TATDN1: variants seen among roughly 807,000 people sequenced by gnomAD.
The protein encoded by TATDN1 is TatD DNase domain containing 1.
Under a neutral mutation model 46.4 loss-of-function variants are expected in TATDN1, and 40 were observed. The ratio of observed to expected loss-of-function variants is 0.86; its 90% confidence interval spans 0.67 to 1.12. TATDN1 has a LOEUF of 1.12. TATDN1 is among the 50% of genes most tolerant of loss of function. The pLI, the probability that TATDN1 is intolerant of heterozygous loss-of-function variation, is 0.00. For synonymous variants in TATDN1, 95 were observed against 105.6 expected (o/e 0.90, Z 0.62); for missense variants, 326 against 348.4 (o/e 0.94, Z 0.51).
chr8:124,495,582 T>G (rs773275529), intron 9 of TATDN1, 40 bp from the exon 10 acceptor site: 2 of 1,469,522 alleles, frequency 1.4e-6, no homozygotes, highest in South Asian at 2.4e-5. Flanking sequence ...AGGCAGCAAT[T>G]AACGAATACC....
chr8:124,488,971 T>TTAAC (rs1816669110), intron 11 of TATDN1: 1 of 363,528 alleles, frequency 2.8e-6, no homozygotes. Context: ...AATTATAGCA[T>TTAAC]TAACTGAGTG....
chr8:124,489,993 CTA>C lies in TATDN1; in HGVS notation c.792-1299_792-1298del, dbSNP rs1816825519. 2.0e-5 allele frequency: 3 copies of C among 152,152 alleles called. No individual in the cohort carries two copies. The South Asian group carries it at 6.2e-4, about 32-fold the overall frequency. The allele number at this position is 152,152 out of a possible 1,614,324, so 9.4% of individuals were successfully genotyped here. ...ATGTTTATACTAAGCAAACACTACA[CTA>C]AAATTTTATCTGACAGTCAAGATAC... On this transcript the variant is annotated intron_variant, in intron 11 of 11. Transcript: ENST00000276692.
chr8:124,500,128 CCA>C (rs916877766), intron 9 of TATDN1, among the ~76,000 whole-genome samples: 23 of 152,076 alleles, frequency 1.5e-4, no homozygotes, highest in African/African-American at 5.6e-4. Context: ...CAGGCGTGAG[CCA>C]CAATGCCTGG....
intron 8 of TATDN1, among the ~76,000 whole-genome samples, chr8:124,505,358 T>C (rs1187347823): frequency 6.6e-6 from 1 of 151,628 alleles, no homozygotes; most frequent in Non-Finnish European, 1.5e-5. Flanking sequence ...CACTCCAGCC[T>C]GGGCAACAAG....
chr8:124,521,657 A>G (rs903890634), intron 3 of TATDN1: 2 of 152,828 alleles, frequency 1.3e-5, no homozygotes, highest in African/African-American at 4.8e-5. Flanking sequence ...TCTGTTTTAA[A>G]GCTAATTTAA....
intron 9 of TATDN1, among the ~76,000 whole-genome samples, chr8:124,503,195 T>G (rs117323402): frequency 7.6e-4 from 115 of 151,832 alleles, no homozygotes; most frequent in Non-Finnish European, 1.4e-3. Flanking sequence ...AGAATGGAGG[T>G]AGGGGATTAG....
intron 3 of TATDN1, 33 bp downstream of exon 3, chr8:124,522,118 T>C: frequency 1.3e-6 from 2 of 1,512,488 alleles, no homozygotes; most frequent in East Asian, 2.3e-5. Flanking sequence ...AAATGAATTT[T>C]AAAAATCTCA....
At chr8:124,517,794 T>A (rs1819617281) in intron 4 of TATDN1, among the ~76,000 whole-genome samples, 1 of 152,212 alleles carries the variant, frequency 6.6e-6, no homozygotes, top group African/African-American at 2.4e-5. Flanking sequence ...CCTTGCACAG[T>A]ATCTGGTCCA....
chr8:124,494,204 A>G (rs544525993), intron 10 of TATDN1: 1 of 267,038 alleles, frequency 3.7e-6, no homozygotes, highest in East Asian at 6.9e-5. Context: ...AGCATGCTTT[A>G]AAAAAAAGAC....
intron 1 of TATDN1, among the ~76,000 whole-genome samples, chr8:124,534,145 C>CAAAAAAAAAAAAAAAAAAAAAAAA (rs869060230): frequency 5.9e-5 from 3 of 51,266 alleles, no homozygotes; most frequent in African/African-American, 1.0e-4. Context: ...GACTCCGTCT[C>CAAAAAAAAAAAAAAAAAAAAAAAA]AAAAAAAAAA....
At chr8:124,530,295 T>G (rs749500075) in intron 1 of TATDN1, among the ~76,000 whole-genome samples, 1 of 152,174 alleles carries the variant, frequency 6.6e-6, no homozygotes, top group Non-Finnish European at 1.5e-5. Context: ...GAGCAGTCAG[T>G]GACAGATATT....
intron 8 of TATDN1, among the ~76,000 whole-genome samples, chr8:124,507,784 CAAA>C (rs201337834): frequency 1.1e-5 from 1 of 93,582 alleles, no homozygotes. Flanking sequence ...TCTTAATAAC[CAAA>C]AAAAAAAAAA....
At chr8:124,518,320 C>A (rs1465214189) in intron 4 of TATDN1, among the ~76,000 whole-genome samples, 1 of 143,950 alleles carries the variant, frequency 6.9e-6, no homozygotes, top group South Asian at 2.2e-4. Flanking sequence ...GTCAGGAGAT[C>A]GAGACCATCC....
chr8:124,493,079 G>GT (rs1483006417), intron 11 of TATDN1, among the ~76,000 whole-genome samples: 1 of 151,956 alleles, frequency 6.6e-6, no homozygotes, highest in African/African-American at 2.4e-5. Context: ...CTCTTTTCCT[G>GT]TTAAAAACTA....
chr8:124,538,099 C>T (rs904560152), intron 1 of TATDN1, among the ~76,000 whole-genome samples: 3 of 152,156 alleles, frequency 2.0e-5, no homozygotes, highest in African/African-American at 7.2e-5. Context: ...GACCTGGGTA[C>T]CTCTCTTCAC....
Position 124,515,737 on chromosome 8 carries a change from T to C in TATDN1, c.389+9A>G. The stretch of plus-strand genomic sequence containing the variant: ...TACAATAATTTGTAAAGCCAACAAA[T>C]TTCCTTACTTGAGTTGAGTATCTTT... On this transcript the variant is annotated intron_variant, in intron 6 of 11. Transcript: ENST00000276692. The C allele has an allele frequency of 6.2e-7, 1 of 1,612,164 alleles. No individual in the cohort carries two copies. The highest frequency in any genetic ancestry group is 1.7e-4 in the Middle Eastern group (1 of 6,002).
chr8:124,520,672 G>A (rs1157619984), intron 3 of TATDN1, among the ~76,000 whole-genome samples: 2 of 151,992 alleles, frequency 1.3e-5, no homozygotes, highest in Non-Finnish European at 2.9e-5. Flanking sequence ...GCCTGGCGCG[G>A]TGGCTCAAGC....
chr8:124,514,293 T>C (rs565292996), intron 6 of TATDN1, among the ~76,000 whole-genome samples: 68 of 152,306 alleles, frequency 4.5e-4, no homozygotes, highest in African/African-American at 1.6e-3. Context: ...GGAAGTACAC[T>C]TTCCTCATGC....
At chr8:124,488,726 A>C in intron 11 of TATDN1, 30 bp from the exon 12 acceptor site, 2 of 1,265,138 alleles carry the variant, frequency 1.6e-6, no homozygotes, top group Non-Finnish European at 2.3e-6. Context: ...AAAATGGTTA[A>C]ATCTCCAAGT....
Sources: allele counts gnomAD v4.1 joint callset (sites outside exome capture counted in the v4.1 genomes callset), GRCh38; gene constraint gnomAD v4.1.1; transcripts MANE v1.5; gene names NCBI Gene and HGNC (gene_info 2026-07-23, HGNC 2026-07-21).